HS6ST3: variants seen among roughly 807,000 people sequenced by gnomAD.
HS6ST3 encodes heparan-sulfate 6-O-sulfotransferase 3.
A neutral mutation model predicts 36.7 loss-of-function variants in HS6ST3; 12 were observed. The ratio of observed to expected loss-of-function variants is 0.33; its 90% CI spans 0.21 to 0.53. The LOEUF (loss-of-function observed/expected upper bound fraction) is 0.53. Ranked by LOEUF, HS6ST3 falls within the 20% of genes least tolerant of loss-of-function variation. HS6ST3 has a pLI of 0.95. For synonymous variants in HS6ST3, 240 were observed against 257.5 expected (o/e 0.93, Z 0.65); for missense variants, 584 against 640.9 (o/e 0.91, Z 0.96).
chr13:96,227,870 A>T (rs2054488524), intron 1 of HS6ST3, among the ~76,000 whole-genome samples: 1 of 152,186 alleles, frequency 6.6e-6, no homozygotes, highest in South Asian at 2.1e-4. Flanking sequence ...TTGCTTTATG[A>T]TCTCACAGTA....
intron 1 of HS6ST3, among the ~76,000 whole-genome samples, chr13:96,217,944 G>A (rs1305754912): frequency 2.6e-5 from 4 of 152,070 alleles, no homozygotes; most frequent in African/African-American, 9.7e-5. Flanking sequence ...TGTATTTCTA[G>A]CACATAGAAT....
intron 1 of HS6ST3, among the ~76,000 whole-genome samples, chr13:96,288,763 G>A (rs1237744447): frequency 1.3e-5 from 2 of 152,000 alleles, no homozygotes; most frequent in African/African-American, 4.8e-5. Flanking sequence ...AGAAAAAGAT[G>A]CCTTATTTTG....
intron 1 of HS6ST3, among the ~76,000 whole-genome samples, chr13:96,670,613 A>G (rs959003472): frequency 3.3e-5 from 5 of 152,154 alleles, no homozygotes; most frequent in African/African-American, 9.7e-5. Context: ...GGGAGAGTTC[A>G]TCTATGGTTA....
chr13:96,210,346 AC>A (rs1191286097), intron 1 of HS6ST3, among the ~76,000 whole-genome samples: 2 of 152,132 alleles, frequency 1.3e-5, no homozygotes, highest in Non-Finnish European at 2.9e-5. Flanking sequence ...TTTCCTGAGA[AC>A]CTTCCTTGGA....
chr13:96,676,994 T>C (rs994260592), intron 1 of HS6ST3, among the ~76,000 whole-genome samples: 1 of 152,186 alleles, frequency 6.6e-6, no homozygotes, highest in Non-Finnish European at 1.5e-5. Context: ...AAGTTGGCTT[T>C]TTAATTTGTC....
intron 1 of HS6ST3, among the ~76,000 whole-genome samples, chr13:96,266,257 G>A (rs1444144857): frequency 6.6e-6 from 1 of 152,046 alleles, no homozygotes; most frequent in Non-Finnish European, 1.5e-5. Context: ...ACCAGTTTTG[G>A]GGACCCAAAC....
chr13:96,341,699 T>C (rs1217162080), intron 1 of HS6ST3, among the ~76,000 whole-genome samples: 1 of 152,162 alleles, frequency 6.6e-6, no homozygotes, highest in East Asian at 1.9e-4. Context: ...GATGGGCTCT[T>C]TTAGGTTTCT....
chr13:96,439,982 C>T (rs1054837076), intron 1 of HS6ST3, among the ~76,000 whole-genome samples: 1 of 152,122 alleles, frequency 6.6e-6, no homozygotes, highest in Non-Finnish European at 1.5e-5. Context: ...GAATTGGCAC[C>T]ATTTCTAAAA....
At chr13:96,285,927 TTCCC>T (rs1246680156) in intron 1 of HS6ST3, among the ~76,000 whole-genome samples, 13 of 143,684 alleles carry the variant, frequency 9.0e-5, no homozygotes, top group Non-Finnish European at 1.7e-4. Flanking sequence ...CTTTCCCTCC[TTCCC>T]TCCCTCCCTC....
intron 1 of HS6ST3, among the ~76,000 whole-genome samples, chr13:96,557,240 G>T (rs954017855): frequency 6.6e-6 from 1 of 152,144 alleles, no homozygotes; most frequent in Non-Finnish European, 1.5e-5. Context: ...AGATGAAGGT[G>T]TACTAACAAA....
intron 1 of HS6ST3, among the ~76,000 whole-genome samples, chr13:96,158,091 A>G (rs1204646517): frequency 2.6e-5 from 4 of 152,178 alleles, no homozygotes. Flanking sequence ...CTCACAAAGT[A>G]TGTGACACTT....
chr13:96,523,594 CTTCT>C (rs1028264306), intron 1 of HS6ST3, among the ~76,000 whole-genome samples: 1 of 151,812 alleles, frequency 6.6e-6, no homozygotes, highest in African/African-American at 2.4e-5. Context: ...CTAATATTGT[CTTCT>C]TTCTTTATTT....
intron 1 of HS6ST3, among the ~76,000 whole-genome samples, chr13:96,274,838 TTCACACAC>T (rs1179042047): frequency 2.2e-5 from 2 of 92,926 alleles, no homozygotes; most frequent in East Asian, 6.4e-4. Flanking sequence ...AACTTAGTCC[TTCACACAC>T]ACACACACAC....
intron 1 of HS6ST3, among the ~76,000 whole-genome samples, chr13:96,274,712 C>T (rs1038135155): frequency 1.3e-5 from 2 of 152,076 alleles, no homozygotes; most frequent in African/African-American, 2.4e-5. Flanking sequence ...AAATGCTGCT[C>T]TCCATAGAAT....
chr13:96,145,925 T>G (rs371493382), intron 1 of HS6ST3, among the ~76,000 whole-genome samples: 1 of 152,154 alleles, frequency 6.6e-6, no homozygotes, highest in Non-Finnish European at 1.5e-5. Context: ...TTTCCCCATT[T>G]CTTGTTTTTG....
At chr13:96,122,845 G>C (rs563032107) in intron 1 of HS6ST3, among the ~76,000 whole-genome samples, 1 of 152,150 alleles carries the variant, frequency 6.6e-6, no homozygotes, top group African/African-American at 2.4e-5. Context: ...TGCTCTATCC[G>C]AGAAATACAA....
intron 1 of HS6ST3, among the ~76,000 whole-genome samples, chr13:96,730,758 C>A (rs754458247): frequency 4.6e-5 from 7 of 151,514 alleles, no homozygotes; most frequent in African/African-American, 7.3e-5. Flanking sequence ...TGTAGAGATG[C>A]GGTTTCACTC....
chr13:96,536,403 C>T (rs949051380), intron 1 of HS6ST3, among the ~76,000 whole-genome samples: 1 of 152,138 alleles, frequency 6.6e-6, no homozygotes, highest in Non-Finnish European at 1.5e-5. Context: ...AAAAAGCTCC[C>T]GCTGTTACAC....
At chr13:96,348,277 A>G (rs997254121) in intron 1 of HS6ST3, among the ~76,000 whole-genome samples, 3 of 152,240 alleles carry the variant, frequency 2.0e-5, no homozygotes, top group Non-Finnish European at 4.4e-5. Flanking sequence ...TGGAAGGTGT[A>G]ACATTCAAAA....
Sources: allele counts gnomAD v4.1 joint callset (sites outside exome capture counted in the v4.1 genomes callset), GRCh38; gene constraint gnomAD v4.1.1; transcripts MANE v1.5; gene names NCBI Gene and HGNC (gene_info 2026-07-23, HGNC 2026-07-21).